Variants in RERE observed in about 807,000 individuals in gnomAD.
The protein encoded by RERE is arginine-glutamic acid dipeptide repeats protein.
In RERE, 40 loss-of-function variants were observed where a neutral mutation model predicts 146.1. The ratio of observed to expected loss-of-function variants is 0.27; its 90% CI spans 0.21 to 0.36. The LOEUF (loss-of-function observed/expected upper bound fraction) is 0.36. Ranked by LOEUF, RERE falls within the 10% of genes least tolerant of loss-of-function variation. RERE has a pLI of 1.00. For missense variants in RERE, 1,933 were observed against 2,138.7 expected (o/e 0.90, Z 1.90); for synonymous variants, 1,003 against 866.0 (o/e 1.16, Z -2.78).
At chr1:8,590,942 G>T (rs151208296) in intron 4 of RERE, 55 of 152,334 alleles carry the variant, frequency 3.6e-4, no homozygotes, top group Middle Eastern at 3.4e-3. Context: ...TGAGTAGAAA[G>T]AGTCTGCAAA....
intron 1 of RERE, among the ~76,000 whole-genome samples, chr1:8,721,627 A>G (rs924977093): frequency 5.3e-5 from 8 of 151,488 alleles, no homozygotes; most frequent in Admixed American, 5.3e-4. Context: ...GATTCTTAAA[A>G]CCTCTTCTGG....
In RERE at chr1:8,356,671, G is replaced by A. The variant is rs773788083; in HGVS notation, c.4340-425C>T. 1.8e-4 allele frequency among the ~76,000 whole-genome samples: 28 copies of A among 152,178 alleles called. No individual in the cohort carries two copies. Among genetic ancestry groups the A allele is most frequent in the Non-Finnish European group, 3.4e-4 (23 of 68,032 alleles). ...AGGGCTGTCTCCCTGCTCTTCACTC[G>A]CAGAACCTAAAGGAGGCCAGCAGAG... is the stretch of plus-strand genomic sequence containing the variant. On this transcript the variant is annotated intron_variant, in intron 20 of 22. Coordinates refer to ENST00000400908, the MANE Select transcript of RERE (RefSeq NM_001042681.2). The surrounding 1 kb of genome is among the most constrained non-coding windows in gnomAD (Gnocchi z 5.2).
intron 1 of RERE, among the ~76,000 whole-genome samples, chr1:8,795,877 G>A (rs759645950): frequency 5.9e-5 from 9 of 151,454 alleles, no homozygotes; most frequent in Non-Finnish European, 1.0e-4. Flanking sequence ...AACTACTCAG[G>A]AGGCTGAGGC....
Position 8,786,974 on chromosome 1 carries a change from AG to A in RERE, c.-145+30185del. 4.8e-6 allele frequency: 3 copies of A among 626,692 alleles called. No homozygotes were observed. In the East Asian group the frequency reaches 7.9e-5, roughly 17 times the overall value. 38.8% of individuals were successfully genotyped at this position (626,692 alleles called of 1,614,324 possible). A position where few individuals can be genotyped will look rare whatever the true frequency, so the allele number is the denominator to read the frequency against. On this transcript the variant is annotated intron_variant, in intron 1 of 22. Transcript: ENST00000400908. ...AAAGATCGCAGTCTAACTTTCACAC[AG>A]CAGCCAAAGTGATCTTTATAAGACA... is the stretch of plus-strand genomic sequence containing the variant.
At chr1:8,632,222 CAGGT>C (rs1647043867) in intron 2 of RERE, among the ~76,000 whole-genome samples, 1 of 152,204 alleles carries the variant, frequency 6.6e-6, no homozygotes, top group Admixed American at 6.5e-5. Flanking sequence ...TCATCAGTGA[CAGGT>C]AGGCTGGGTG....
At chr1:8,615,312 T>C (rs1392133207) in intron 3 of RERE, among the ~76,000 whole-genome samples, 4 of 152,214 alleles carry the variant, frequency 2.6e-5, no homozygotes, top group African/African-American at 7.2e-5. Flanking sequence ...GTGAGTATAA[T>C]GAATAGGCAC....
At chr1:8,711,157 CAAAAAAAAAAAAAA>C (rs57814312) in intron 1 of RERE, among the ~76,000 whole-genome samples, 18 of 68,266 alleles carry the variant, frequency 2.6e-4, no homozygotes, top group South Asian at 2.5e-3. Context: ...ACTCTGTCTC[CAAAAAAAAAAAAAA>C]AAAAAAAAAA....
At chr1:8,765,090 G>C (rs1468831031) in intron 1 of RERE, among the ~76,000 whole-genome samples, 1 of 152,166 alleles carries the variant, frequency 6.6e-6, no homozygotes, top group African/African-American at 2.4e-5. Context: ...CCAAAAAGTA[G>C]AACCATTCAA....
intron 1 of RERE, among the ~76,000 whole-genome samples, chr1:8,736,752 T>G (rs543392350): frequency 6.6e-6 from 1 of 151,766 alleles, no homozygotes; most frequent in East Asian, 1.9e-4. Context: ...CTAAGTGTCT[T>G]ATTTTCTTGG....
At chr1:8,553,898 C>G (rs1010152812) in intron 6 of RERE, among the ~76,000 whole-genome samples, 1 of 152,178 alleles carries the variant, frequency 6.6e-6, no homozygotes, top group Non-Finnish European at 1.5e-5. Flanking sequence ...TAAAAATGGG[C>G]CAGACGTGGT....
intron 4 of RERE, among the ~76,000 whole-genome samples, chr1:8,579,786 C>T (rs974863820): frequency 4.1e-4 from 62 of 152,196 alleles, no homozygotes; most frequent in East Asian, 1.2e-3. Flanking sequence ...GGTGGCTCAC[C>T]GGAGGTCAGG....
chr1:8,373,299 A>C (rs943124960), intron 12 of RERE, among the ~76,000 whole-genome samples: 11 of 150,688 alleles, frequency 7.3e-5, no homozygotes, highest in Admixed American at 2.0e-4. Context: ...ATGTGCAATT[A>C]GAGTCAGAAT....
intron 11 of RERE, among the ~76,000 whole-genome samples, chr1:8,426,924 CAAA>C (rs1644021384): frequency 6.6e-6 from 1 of 152,204 alleles, no homozygotes; most frequent in Non-Finnish European, 1.5e-5. Context: ...CCTGCTTACC[CAAA>C]AAGTCCATAA....
At chr1:8,779,223 T>A (rs1488584100) in intron 1 of RERE, among the ~76,000 whole-genome samples, 1 of 151,842 alleles carries the variant, frequency 6.6e-6, no homozygotes, top group African/African-American at 2.4e-5. Context: ...GAGATGACAT[T>A]TATCTGCTAG....
intron 7 of RERE, among the ~76,000 whole-genome samples, chr1:8,529,287 C>CTTTTTTTT (rs34547801): frequency 0.021 from 2,147 of 102,170 alleles, 113 homozygotes; most frequent in Non-Finnish European, 0.028. Context: ...GTTCTCCCTT[C>CTTTTTTTT]TTTTTTTTTT....
chr1:8,452,500 C>T (rs1570263575), intron 11 of RERE, among the ~76,000 whole-genome samples: 1 of 151,686 alleles, frequency 6.6e-6, no homozygotes, highest in East Asian at 1.9e-4. Flanking sequence ...CTGATACGCT[C>T]CCTTCCTTTT....
chr1:8,786,198 C>T (rs1176704280), intron 1 of RERE: 3 of 736,040 alleles, frequency 4.1e-6, no homozygotes, highest in East Asian at 3.0e-5. Flanking sequence ...GTAAACACCT[C>T]GGTTCATTCT....
At chr1:8,562,416 AC>A (rs1646089295) in intron 4 of RERE, among the ~76,000 whole-genome samples, 1 of 152,120 alleles carries the variant, frequency 6.6e-6, no homozygotes, top group South Asian at 2.1e-4. Flanking sequence ...GTGTGAAAGC[AC>A]CCTAGGGTGT....
intron 12 of RERE, among the ~76,000 whole-genome samples, chr1:8,412,282 C>T (rs934449357): frequency 2.6e-5 from 4 of 152,188 alleles, no homozygotes; most frequent in Non-Finnish European, 4.4e-5. Context: ...ATATTGCTCC[C>T]GACACCCTCT....
Sources: gnomAD v4.1 joint callset for allele counts (sites outside exome capture counted in the v4.1 genomes callset) on GRCh38, gnomAD v4.1.1 for gene constraint, Gnocchi (gnomAD v3.1) non-coding constraint, MANE v1.5 for transcripts, NCBI Gene and HGNC (gene_info 2026-07-23, HGNC 2026-07-21) for gene names.